The following ATP8A2 variants were observed in gnomAD, a reference collection of about 807,000 sequenced individuals.
ATP8A2 encodes phospholipid-transporting ATPase IB.
Under a neutral mutation model 165.6 loss-of-function variants are expected in ATP8A2, and 100 were observed. That is an observed-to-expected ratio of 0.60 (90% CI 0.51 to 0.71). ATP8A2 has a LOEUF of 0.71. ATP8A2 is among the 30% of genes least tolerant of loss of function. The probability of loss-of-function intolerance (pLI) is 0.00; values close to 1 mark genes in which losing one functional copy is unlikely to be tolerated. For missense variants in ATP8A2, 1,227 were observed against 1,479.5 expected (o/e 0.83, Z 2.80); for synonymous variants, 543 against 548.8 (o/e 0.99, Z 0.15).
At chr13:25,549,779 G>A (rs1182037670) in intron 10 of ATP8A2, among the ~76,000 whole-genome samples, 1 of 152,048 alleles carries the variant, frequency 6.6e-6, no homozygotes, top group Non-Finnish European at 1.5e-5. Context: ...TAGACTCCCT[G>A]TGCTAAAACC....
intron 28 of ATP8A2, among the ~76,000 whole-genome samples, chr13:25,832,569 T>C (rs1330114767): frequency 1.3e-5 from 2 of 152,190 alleles, no homozygotes; most frequent in Admixed American, 1.3e-4. Flanking sequence ...TCTTTCTAAA[T>C]ATCACTATAT....
chr13:25,587,438 A>G (rs904479627), intron 23 of ATP8A2, among the ~76,000 whole-genome samples: 7 of 151,668 alleles, frequency 4.6e-5, no homozygotes, highest in African/African-American at 1.4e-4. Flanking sequence ...TGCCATGGCT[A>G]GAAAAAAAAA....
At chr13:25,728,158 A>C (rs1476819370) in intron 25 of ATP8A2, among the ~76,000 whole-genome samples, 1 of 152,200 alleles carries the variant, frequency 6.6e-6, no homozygotes, top group Non-Finnish European at 1.5e-5. Context: ...AAAATGTAAA[A>C]ACTTGGAATA....
At chr13:25,995,140 TC>T (rs1448901040) in intron 35 of ATP8A2, among the ~76,000 whole-genome samples, 1 of 151,986 alleles carries the variant, frequency 6.6e-6, no homozygotes, top group Non-Finnish European at 1.5e-5. Flanking sequence ...CCTACAATTA[TC>T]TTTTTGATAT....
chr13:25,613,337 C>T (rs1198991367), intron 24 of ATP8A2, among the ~76,000 whole-genome samples: 2 of 152,142 alleles, frequency 1.3e-5, no homozygotes, highest in Non-Finnish European at 2.9e-5. Context: ...AATCCCAGCA[C>T]TTTGGAAGAC....
chr13:25,960,661 G>A (rs1359758221), intron 33 of ATP8A2, among the ~76,000 whole-genome samples: 1 of 151,990 alleles, frequency 6.6e-6, no homozygotes, highest in East Asian at 1.9e-4. Context: ...AACCAAAATT[G>A]AAGGCATCTG....
chr13:25,853,083 T>C (rs1952050144), intron 30 of ATP8A2, among the ~76,000 whole-genome samples: 1 of 152,002 alleles, frequency 6.6e-6, no homozygotes, highest in Non-Finnish European at 1.5e-5. Flanking sequence ...AAAGTGTTTA[T>C]ATAAGATATT....
chr13:25,880,156 G>A (rs747206511), intron 33 of ATP8A2, among the ~76,000 whole-genome samples: 1 of 152,174 alleles, frequency 6.6e-6, no homozygotes, highest in African/African-American at 2.4e-5. Context: ...ATAATCCTAA[G>A]ATCAGAAATT....
At chr13:26,012,073 C>A (rs2139355989) in intron 35 of ATP8A2, among the ~76,000 whole-genome samples, 1 of 150,350 alleles carries the variant, frequency 6.7e-6, no homozygotes, top group Non-Finnish European at 1.5e-5. Context: ...AGAAAACTCG[C>A]CTTGATGTTC....
At chr13:25,961,452 C>T (rs956491260) in intron 33 of ATP8A2, 123 bp from the exon 34 acceptor site, 4 of 763,628 alleles carry the variant, frequency 5.2e-6, no homozygotes, top group Non-Finnish European at 8.9e-6. Context: ...CATGGGTTAC[C>T]TCTCATTGCA....
At chr13:25,495,135 C>T (rs1229783180) in intron 2 of ATP8A2, among the ~76,000 whole-genome samples, 1 of 152,152 alleles carries the variant, frequency 6.6e-6, no homozygotes, top group African/African-American at 2.4e-5. Flanking sequence ...AACAGGAAGT[C>T]GACAACGTTC....
chr13:25,798,069 A>T (rs1950533744), intron 27 of ATP8A2, among the ~76,000 whole-genome samples: 1 of 152,042 alleles, frequency 6.6e-6, no homozygotes. Flanking sequence ...GAATTCCTTA[A>T]CTCCCATGTT....
At chr13:25,846,940 A>T (rs1199938140) in intron 30 of ATP8A2, among the ~76,000 whole-genome samples, 1 of 152,254 alleles carries the variant, frequency 6.6e-6, no homozygotes, top group East Asian at 1.9e-4. Flanking sequence ...ACAGTAAGGT[A>T]TGTGAAACAA....
intron 18 of ATP8A2, among the ~76,000 whole-genome samples, chr13:25,572,387 C>T (rs2039492961): frequency 6.6e-6 from 1 of 152,228 alleles, no homozygotes; most frequent in Non-Finnish European, 1.5e-5. Context: ...GGTCCACCCG[C>T]CTTGGCCTCC....
rs1384777341 is a variant in ATP8A2 at position 25,784,221 on chromosome 13, A to G, written c.2679+9262A>G. Among the ~76,000 whole-genome samples the G allele has an allele frequency of 4.0e-5, 6 of 151,648 alleles. No homozygotes were observed. The East Asian group carries it at 9.7e-4, about 24-fold the overall frequency. On this transcript the variant is annotated intron_variant, in intron 27 of 36. Coordinates refer to ENST00000381655, the MANE Select transcript of ATP8A2 (RefSeq NM_016529.6). ...CTTTGGAACTCTATAAAATGTTTTA[A>G]TCTCCTTGGAATAAAAAAAAAATGC... is the stretch of plus-strand genomic sequence containing the variant.
At chr13:25,562,480 C>G (rs771421589) in intron 15 of ATP8A2, among the ~76,000 whole-genome samples, 15 of 152,162 alleles carry the variant, frequency 9.9e-5, no homozygotes, top group Admixed American at 3.9e-4. Context: ...GACGGATTGC[C>G]TGCCTGGAGA....
Position 25,731,659 on chromosome 13 carries a change from T to G in ATP8A2, c.2384+32314T>G, listed in dbSNP as rs535071818. Among the ~76,000 whole-genome samples, 3 of 152,316 alleles carry G rather than the reference T, an allele frequency of 2.0e-5. No individual in the cohort carries two copies. The South Asian group carries it at 6.2e-4, about 32-fold the overall frequency. ...GGTAAGTGGAATGTGCCTGTTGATG[T>G]AATCAAATTCACAGAATGTGGAATA... is the stretch of plus-strand genomic sequence containing the variant. On this transcript the variant is annotated intron_variant, in intron 25 of 36. Transcript: ENST00000381655.
intron 28 of ATP8A2, among the ~76,000 whole-genome samples, chr13:25,829,697 TATATATATATATATATATATA>T (rs1353352614): frequency 3.2e-5 from 2 of 62,576 alleles, no homozygotes; most frequent in Non-Finnish European, 6.9e-5. Flanking sequence ...TATATATATA[TATATATATATATATATATATA>T]TATCACCTGC....
intron 28 of ATP8A2, among the ~76,000 whole-genome samples, chr13:25,834,257 T>G (rs993899414): frequency 6.6e-6 from 1 of 152,208 alleles, no homozygotes; most frequent in South Asian, 2.1e-4. Flanking sequence ...AAGACCAATG[T>G]AACAACCATT....
Sources: gnomAD v4.1 joint callset for allele counts (sites outside exome capture counted in the v4.1 genomes callset) on GRCh38, gnomAD v4.1.1 for gene constraint, MANE v1.5 for transcripts, NCBI Gene and HGNC (gene_info 2026-07-23, HGNC 2026-07-21) for gene names.